TTC16: variants seen among roughly 807,000 people sequenced by gnomAD.
The protein encoded by TTC16 is tetratricopeptide repeat domain 16.
A neutral mutation model predicts 80.4 loss-of-function variants in TTC16; 66 were observed. The ratio of observed to expected loss-of-function variants is 0.82; its 90% CI spans 0.67 to 1.01. The LOEUF (loss-of-function observed/expected upper bound fraction) is 1.01. Ranked by LOEUF, TTC16 falls within the 50% of genes least tolerant of loss-of-function variation. The probability of loss-of-function intolerance (pLI) is 0.00; values close to 1 mark genes in which losing one functional copy is unlikely to be tolerated. For synonymous variants in TTC16, 438 were observed against 451.3 expected, an observed-to-expected ratio of 0.97 and a Z score of 0.37; for missense variants, 1,070 against 1,103.2, an observed-to-expected ratio of 0.97 and a Z score of 0.43.
chr9:127,728,089 A>G (rs913375797), intron 12 of TTC16: 5 of 152,308 alleles, frequency 3.3e-5, no homozygotes, highest in African/African-American at 1.2e-4. Flanking sequence ...ACATAAATAT[A>G]GAAAAGTGCA....
Position 127,724,117 on chromosome 9 carries a change from C to A in TTC16, c.873-3C>A, listed in dbSNP as rs1564385521. Reference sequence around the variant, plus strand: ...CTGCCGTCTCCCACGCCCCCCCCGACAGGGGCACCATGTACCGACGGCTCC... The same window carrying A: ...CTGCCGTCTCCCACGCCCCCCCCGAAAGGGGCACCATGTACCGACGGCTCC... On this transcript the variant is annotated splice_region_variant and splice_polypyrimidine_tract_variant and intron_variant, in intron 7 of 13. Transcript: ENST00000373289. 6.3e-7 allele frequency: 1 copy of A among 1,598,334 alleles called. No individual in the cohort carries two copies. Among genetic ancestry groups the A allele is most frequent in the Non-Finnish European group, 8.5e-7 (1 of 1,171,776 alleles).
chr9:127,716,289 G>GC (rs1564373961), intron 1 of TTC16, 126 bp downstream of exon 1: 35 of 1,386,522 alleles, frequency 2.5e-5, no homozygotes, highest in Admixed American at 3.5e-5. Context: ...GAAGGCCCTG[G>GC]CCGCCATGCC....
chr9:127,730,458 C>T, intron 13 of TTC16, 178 bp from the exon 14 acceptor site: 2 of 879,132 alleles, frequency 2.3e-6, no homozygotes, highest in Non-Finnish European at 3.4e-6. Flanking sequence ...TCTCACAGCC[C>T]CACCCCTCAG....
In TTC16 at chr9:127,726,356, C is replaced by A; in HGVS notation, c.1377C>A (p.Ala459=). ...SRQLLQNIFG[A]RQDVATVLLL... ...AGCTGCTGCAGAACATTTTTGGGGC[C>A]CGCCAGGATGTGGCCACTGTCCTGC... Residue 459 remains alanine, a synonymous_variant, in exon 10 of 14, where the codon GCC becomes GCA. Transcript: ENST00000373289. The A allele has an allele frequency of 1.2e-6, 2 of 1,611,920 alleles. No homozygotes were observed. The highest frequency in any genetic ancestry group is 1.7e-6 in the Non-Finnish European group (2 of 1,179,176).
At chr9:127,725,457 G>T (rs1337995396) in intron 9 of TTC16, among the ~76,000 whole-genome samples, 2 of 145,888 alleles carry the variant, frequency 1.4e-5, no homozygotes, top group African/African-American at 2.5e-5. Context: ...CCAGCTACTC[G>T]GGAGGCTGAG....
chr9:127,719,989 C>T (rs1206693148), intron 4 of TTC16, 89 bp from the exon 5 acceptor site: 4 of 1,114,122 alleles, frequency 3.6e-6, no homozygotes, highest in African/African-American at 3.1e-5. Context: ...TTGTATCTCT[C>T]CCTCCTGCCT....
At position 127,727,309 on chromosome 9, in the gene TTC16, G is replaced by A. The variant is rs143697327; in HGVS notation, c.1608G>A (p.Leu536=). Residue 536 remains leucine (L), a synonymous_variant, in exon 12 of 14, where the codon TTG becomes TTA. Coordinates refer to ENST00000373289, the MANE Select transcript of TTC16 (RefSeq NM_144965.3). The part of the protein sequence containing the change: ...KRHELERQKA[L]ALQHSWKQGE... ...ACGAGTTGGAGCGCCAGAAGGCCTT[G>A]GCCCTGCAGCACTCATGGAAGCAGG... 9 of 1,586,604 alleles carry A rather than the reference G, an allele frequency of 5.7e-6. No individual in the cohort carries two copies. Among genetic ancestry groups the A allele is most frequent in the African/African-American group, 1.4e-5 (1 of 73,746 alleles).
chr9:127,726,905 A>C, intron 10 of TTC16, 65 bp from the exon 11 acceptor site: 2 of 1,598,066 alleles, frequency 1.3e-6, no homozygotes, highest in South Asian at 2.2e-5. Flanking sequence ...GGGTCAGGGC[A>C]GCATCGTGCT....
chr9:127,727,660 G>C, intron 12 of TTC16, 195 bp downstream of exon 12: 1 of 1,201,572 alleles, frequency 8.3e-7, no homozygotes, highest in South Asian at 2.0e-5. Context: ...CCTGACGGAG[G>C]GTGTGTGGGG....
At chr9:127,727,905 G>A (rs1844112389) in intron 12 of TTC16, 1 of 155,226 alleles carries the variant, frequency 6.4e-6, no homozygotes, top group Non-Finnish European at 1.4e-5. Context: ...GATTACAGGT[G>A]TGTGCCACCA....
In TTC16 at chr9:127,727,708, A is replaced by G; in HGVS notation, c.1764+243A>G. On this transcript the variant is annotated intron_variant, in intron 12 of 13. Transcript: ENST00000373289. Reference sequence around the variant, plus strand: ...AGAGAGAGGAGTCACAGCCCTGCTCATGGTCACTGTCATGAATTCTACTGT... The same window carrying G: ...AGAGAGAGGAGTCACAGCCCTGCTCGTGGTCACTGTCATGAATTCTACTGT... The G allele has an allele frequency of 1.1e-5, 8 of 741,206 alleles. No individual in the cohort carries two copies. The South Asian group carries it at 2.4e-4, about 22-fold the overall frequency. The allele number at this position is 741,206 out of a possible 1,614,324, so 45.9% of individuals were successfully genotyped here. A position where few individuals can be genotyped will look rare whatever the true frequency, so the allele number is the denominator to read the frequency against.
At chr9:127,716,435 G>A in intron 1 of TTC16, 2 of 585,994 alleles carry the variant, frequency 3.4e-6, no homozygotes, top group Non-Finnish European at 6.1e-6. Flanking sequence ...GAGGTGCTCA[G>A]TGTGGCCTGC....
chr9:127,731,046 C>T lies in TTC16; in HGVS notation c.2263C>T (p.Pro755Ser). ...SSSEIEATQG[P>S]RQEPSKTKTT... is the part of the protein sequence containing the mutation. ...CAGCGAGATTGAGGCCACCCAGGGCCCAAGGCAGGAGCCCAGCAAGACCAA... is the reference window on the plus strand; with the variant it reads ...CAGCGAGATTGAGGCCACCCAGGGCTCAAGGCAGGAGCCCAGCAAGACCAA... The change falls in exon 14 of 14, where the codon CCA becomes TCA. Residue 755 changes from proline to serine, a missense_variant. Coordinates refer to ENST00000373289, the MANE Select transcript of TTC16 (RefSeq NM_144965.3). The T allele has an allele frequency of 6.2e-7, 1 of 1,612,860 alleles. No individual in the cohort carries two copies. The highest frequency in any genetic ancestry group is 1.1e-5 in the South Asian group (1 of 91,076).
intron 6 of TTC16, among the ~76,000 whole-genome samples, 163 bp downstream of exon 6, chr9:127,720,558 C>T (rs1236044174): frequency 6.6e-6 from 1 of 152,096 alleles, no homozygotes; most frequent in African/African-American, 2.4e-5. Context: ...TGGCCTGGAC[C>T]ACTCAACTAC....
At position 127,727,277 on chromosome 9, in the gene TTC16, A is replaced by C; in HGVS notation, c.1576A>C (p.Lys526Gln). The C allele has an allele frequency of 6.4e-7, 1 of 1,562,458 alleles. No individual in the cohort carries two copies. Residue 526 changes from lysine (K) to glutamine (Q), a missense_variant, in exon 12 of 14, where the codon AAA becomes CAA. By Grantham distance (53) the Lys-to-Gln change is moderately conservative (BLOSUM62 1). Coordinates refer to ENST00000373289, the MANE Select transcript of TTC16 (RefSeq NM_144965.3). ...GSPQGIVGML[K>Q]RHELERQKAL... ...GGGGGTATCGTTTGGCAGGATGCTT[A>C]AACGGCACGAGTTGGAGCGCCAGAA...
Position 127,718,560 on chromosome 9 carries a change from C to T in TTC16, c.426+788C>T, listed in dbSNP as rs945982333. On this transcript the variant is annotated intron_variant, in intron 4 of 13. Coordinates refer to ENST00000373289, the MANE Select transcript of TTC16 (RefSeq NM_144965.3). The surrounding 1 kb of genome is among the most constrained non-coding windows in gnomAD (Gnocchi z 4.6). ...ACAATATTAAACTATAAAACACCAA[C>T]GAAGTGTTGCTTTTTTCCATTTTGA... Among the ~76,000 whole-genome samples, 6 of 151,678 alleles carry T rather than the reference C, an allele frequency of 4.0e-5. No individual in the cohort carries two copies. Among genetic ancestry groups the T allele is most frequent in the Non-Finnish European group, 5.9e-5 (4 of 67,946 alleles).
In TTC16 at chr9:127,724,325, G is replaced by C; in HGVS notation, c.1078G>C (p.Asp360His). Residue 360 changes from aspartate (D) to histidine (H), a missense_variant, in exon 8 of 14, where the codon GAC becomes CAC. Coordinates refer to ENST00000373289, the MANE Select transcript of TTC16 (RefSeq NM_144965.3). ...GCTGCTGCTGAACAAGGCCCTCCGG[G>C]ACGAGCAGCAGGAGAAAGGACTCTA... The part of the protein sequence containing the change: ...GVLLLNKALR[D>H]EQQEKGLYIN... 6.2e-7 allele frequency: 1 copy of C among 1,612,468 alleles called. No individual in the cohort carries two copies. Among genetic ancestry groups the C allele is most frequent in the Non-Finnish European group, 8.5e-7 (1 of 1,179,776 alleles).
In TTC16 at chr9:127,729,642, A is replaced by G; in HGVS notation, c.1826A>G (p.Gln609Arg). ...VASLSDSYLD[Q>R]TSSASSMSFR... ...TCCCTGTCTGACAGCTACCTTGACC[A>G]GACCTCTTCAGCCTCCAGCATGAGC... Residue 609 changes from glutamine to arginine, a missense_variant, in exon 13 of 14, where the codon CAG (glutamine) becomes CGG (arginine). Coordinates refer to ENST00000373289, the MANE Select transcript of TTC16 (RefSeq NM_144965.3). 1 of 1,613,710 alleles carries G rather than the reference A, an allele frequency of 6.2e-7. No homozygotes were observed. The highest frequency in any genetic ancestry group is 8.5e-7 in the Non-Finnish European group (1 of 1,179,996).
At position 127,726,282 on chromosome 9, in the gene TTC16, C is replaced by T. The variant is rs992384962; in HGVS notation, c.1303C>T (p.His435Tyr). ...GAACCACTTCTCCACGGCCATCCGG[C>T]ACAACCCCCAGAAGGCCCAGTACTA... ...AENHFSTAIR[H>Y]NPQKAQYYLY... is the part of the protein sequence containing the mutation. The change falls in exon 10 of 14, where the codon CAC becomes TAC. Residue 435 changes from histidine (H) to tyrosine (Y), a missense_variant. Physicochemically the swap from His to Tyr is moderately conservative, Grantham distance 83. Transcript: ENST00000373289. 11 of 1,606,644 alleles carry T rather than the reference C, an allele frequency of 6.8e-6. No homozygotes were observed. Among genetic ancestry groups the T allele is most frequent in the Non-Finnish European group, 9.4e-6 (11 of 1,175,464 alleles).
Sources: allele counts gnomAD v4.1 joint callset (sites outside exome capture counted in the v4.1 genomes callset), GRCh38; gene constraint gnomAD v4.1.1; non-coding constraint Gnocchi (gnomAD v3.1); transcripts MANE v1.5; gene names NCBI Gene and HGNC (gene_info 2026-07-23, HGNC 2026-07-21).